CHD2: variants seen among roughly 807,000 people sequenced by gnomAD.
CHD2 encodes chromodomain helicase DNA binding protein 2.
CHD2 carries 28 observed loss-of-function variants against 243.9 expected under a neutral mutation model. The ratio of observed to expected loss-of-function variants is 0.11; its 90% CI spans 0.09 to 0.16. The LOEUF (loss-of-function observed/expected upper bound fraction) is 0.16. Among genes scored for constraint, CHD2 ranks in the 10% least tolerant of loss-of-function variants. CHD2 has a pLI of 1.00. For synonymous variants in CHD2, 775 were observed against 779.0 expected (o/e 0.99, Z 0.09); for missense variants, 1,386 against 2,209.8 (o/e 0.63, Z 7.47).
intron 37 of CHD2, among the ~76,000 whole-genome samples, chr15:93,017,492 ATTTTTTTT>A (rs760713016): frequency 3.5e-4 from 34 of 96,826 alleles, no homozygotes; most frequent in East Asian, 1.1e-3. Context: ...TGCCGGGCTA[ATTTTTTTT>A]TTTTTTTTTT....
At chr15:92,944,343 A>G in intron 9 of CHD2, 72 bp from the exon 10 acceptor site, 1 of 751,920 alleles carries the variant, frequency 1.3e-6, no homozygotes, top group African/African-American at 1.7e-5. Flanking sequence ...TCCACCTTTG[A>G]CTTTTGCTTT....
chr15:92,971,964 C>A (rs181198036), intron 18 of CHD2, 37 bp downstream of exon 18: 4 of 1,575,262 alleles, frequency 2.5e-6, no homozygotes, highest in Non-Finnish European at 3.4e-6. Flanking sequence ...TCAAAAAAAA[C>A]GCTTAGTTTC....
At chr15:92,915,618 T>C (rs2052820168) in intron 2 of CHD2, among the ~76,000 whole-genome samples, 2 of 152,236 alleles carry the variant, frequency 1.3e-5, no homozygotes, top group South Asian at 4.1e-4. Context: ...GGGTCACTTT[T>C]ATGATTTTGG....
chr15:92,932,079 G>A (rs1039868169), intron 5 of CHD2, among the ~76,000 whole-genome samples: 1 of 152,098 alleles, frequency 6.6e-6, no homozygotes, highest in Non-Finnish European at 1.5e-5. Flanking sequence ...GGCCAGGATG[G>A]TCTCAGTCTC....
intron 2 of CHD2, among the ~76,000 whole-genome samples, chr15:92,914,561 A>C (rs56062215): frequency 0.054 from 8,168 of 152,292 alleles, 314 homozygotes; most frequent in Middle Eastern, 0.085. Context: ...AATTTTAGAA[A>C]TACACTGATT....
chr15:92,944,555 G>C, intron 10 of CHD2, 40 bp downstream of exon 10: 1 of 1,048,860 alleles, frequency 9.5e-7, no homozygotes, highest in Non-Finnish European at 1.4e-6. Flanking sequence ...ATTTGAACTT[G>C]AGGAATAGTG....
At chr15:92,966,335 A>G (rs1385580975) in intron 16 of CHD2, among the ~76,000 whole-genome samples, 1 of 152,044 alleles carries the variant, frequency 6.6e-6, no homozygotes, top group South Asian at 2.1e-4. Context: ...AAGTGCTGGG[A>G]TTACAGGTGT....
At chr15:92,935,308 T>C (rs1280005223) in intron 5 of CHD2, among the ~76,000 whole-genome samples, 1 of 152,190 alleles carries the variant, frequency 6.6e-6, no homozygotes, top group Non-Finnish European at 1.5e-5. Flanking sequence ...AGTGCTGGGA[T>C]TACAGGCGTG....
chr15:92,996,464 T>C (rs528690291), intron 28 of CHD2, among the ~76,000 whole-genome samples: 1 of 152,284 alleles, frequency 6.6e-6, no homozygotes. Flanking sequence ...CCGCCTGGGT[T>C]AGTGTAATTT....
intron 5 of CHD2, among the ~76,000 whole-genome samples, chr15:92,930,404 G>C (rs1332433839): frequency 2.6e-5 from 4 of 151,966 alleles, no homozygotes; most frequent in Admixed American, 1.3e-4. Context: ...CGCTTACTCT[G>C]GTTACTGGCT....
intron 38 of CHD2, chr15:93,020,635 T>C (rs1002191104): frequency 2.6e-6 from 1 of 388,428 alleles, no homozygotes. Context: ...GAGCCCATAA[T>C]TGAAGAGTCA....
At chr15:93,010,330 C>T (rs2054375085) in intron 35 of CHD2, among the ~76,000 whole-genome samples, 1 of 151,980 alleles carries the variant, frequency 6.6e-6, no homozygotes, top group South Asian at 2.1e-4. Flanking sequence ...TTCTTTTCCC[C>T]TGGGTGGATA....
chr15:93,019,663 G>A (rs191282908), intron 37 of CHD2, among the ~76,000 whole-genome samples: 41 of 152,292 alleles, frequency 2.7e-4, no homozygotes, highest in African/African-American at 9.6e-4. Context: ...GCTGGGCGTG[G>A]TGGCTCACAG....
intron 3 of CHD2, among the ~76,000 whole-genome samples, chr15:92,924,834 T>C (rs2053027505): frequency 6.6e-6 from 1 of 152,212 alleles, no homozygotes; most frequent in African/African-American, 2.4e-5. Context: ...AGTCTTGCTC[T>C]GTTGCCCAGC....
rs545174160 is a variant in CHD2, at chr15:93,021,279, T to C, written c.5153+1021T>C. ...TGTGATGAAAAATCTGTCATCCTTA[T>C]CTTTGTTCCTCTTTACATAATGTTC... On this transcript the variant is annotated intron_variant, in intron 38 of 38. Transcript: ENST00000394196. 3.3e-5 allele frequency: 5 copies of C among 152,312 alleles called. No homozygotes were observed. In the South Asian group the frequency reaches 1.0e-3, roughly 32 times the overall value. The allele number at this position is 152,312 out of a possible 1,614,324, so 9.4% of individuals were successfully genotyped here.
At chr15:92,904,035 C>A (rs75852697) in intron 2 of CHD2, among the ~76,000 whole-genome samples, 4 of 152,200 alleles carry the variant, frequency 2.6e-5, no homozygotes, top group African/African-American at 9.7e-5. Flanking sequence ...TTGGAGAAGA[C>A]TGAATCTAAA....
chr15:92,987,450 A>T (rs2141854192), intron 26 of CHD2, among the ~76,000 whole-genome samples: 1 of 151,964 alleles, frequency 6.6e-6, no homozygotes, highest in East Asian at 1.9e-4. Flanking sequence ...AAATACAAAA[A>T]ATTAGCCAGG....
At chr15:92,935,528 T>G (rs1217036968) in intron 5 of CHD2, among the ~76,000 whole-genome samples, 1 of 152,214 alleles carries the variant, frequency 6.6e-6, no homozygotes, top group Non-Finnish European at 1.5e-5. Context: ...ATATGGTAAT[T>G]AGAATTTATT....
chr15:93,004,888 C>T (rs1365267516), intron 34 of CHD2, 137 bp downstream of exon 34: 17 of 884,172 alleles, frequency 1.9e-5, no homozygotes, highest in Admixed American at 2.9e-5. Context: ...CTTACAGTAT[C>T]GGAAGACCAT....
Sources: gnomAD v4.1 joint callset for allele counts (sites outside exome capture counted in the v4.1 genomes callset) on GRCh38, gnomAD v4.1.1 for gene constraint, MANE v1.5 for transcripts, NCBI Gene and HGNC (gene_info 2026-07-23, HGNC 2026-07-21) for gene names.